The following CPA6 variants were observed in gnomAD, a reference collection of about 807,000 sequenced individuals.
The protein encoded by CPA6 is carboxypeptidase A6.
CPA6 carries 58 observed loss-of-function variants against 63.3 expected under a neutral mutation model. That is an observed-to-expected ratio of 0.92 (90% CI 0.74 to 1.14). The LOEUF is 1.14. CPA6 is among the 50% of genes most tolerant of loss of function. The probability of loss-of-function intolerance (pLI) is 0.00; values close to 1 mark genes in which losing one functional copy is unlikely to be tolerated. For missense variants in CPA6, 565 were observed against 526.6 expected (o/e 1.07, Z -0.71); for synonymous variants, 185 against 179.0 (o/e 1.03, Z -0.27).
At chr8:67,670,955 C>G (rs1816330098) in intron 1 of CPA6, among the ~76,000 whole-genome samples, 1 of 152,214 alleles carries the variant, frequency 6.6e-6, no homozygotes, top group Non-Finnish European at 1.5e-5. Flanking sequence ...AATAATTCAT[C>G]TGTAGACACA....
At chr8:67,744,660 C>T (rs1455862164) in intron 1 of CPA6, among the ~76,000 whole-genome samples, 1 of 152,102 alleles carries the variant, frequency 6.6e-6, no homozygotes, top group Admixed American at 6.5e-5. Context: ...GAATTAAGTC[C>T]CCCACAACCC....
intron 1 of CPA6, among the ~76,000 whole-genome samples, chr8:67,685,653 T>C (rs994994454): frequency 6.6e-6 from 1 of 152,100 alleles, no homozygotes; most frequent in East Asian, 1.9e-4. Flanking sequence ...AAACTAGAAT[T>C]GCTAACCACT....
At chr8:67,618,647 G>A (rs935559027) in intron 2 of CPA6, among the ~76,000 whole-genome samples, 2 of 152,082 alleles carry the variant, frequency 1.3e-5, no homozygotes, top group African/African-American at 4.8e-5. Flanking sequence ...CAAACTTTTG[G>A]ACAAATAGGA....
At position 67,710,112 on chromosome 8, in the gene CPA6, CA is replaced by C. The variant is rs35872602; in HGVS notation, c.116+35901del. On this transcript the variant is annotated intron_variant, in intron 1 of 10. Coordinates refer to ENST00000297770, the MANE Select transcript of CPA6 (RefSeq NM_020361.5). ...TGGGCAACAGAGCGAGACTTGGTTT[CA>C]AAAAAAAAAAAGATTTTCTGATTGG... Among the ~76,000 whole-genome samples, 163 of 138,740 alleles carry C rather than the reference CA, an allele frequency of 1.2e-3. 1 individual carries two copies. The highest frequency in any genetic ancestry group is 1.2e-3 in the Non-Finnish European group (79 of 63,336). The allele number at this position is 138,740 out of a possible 152,430, so 91.0% of individuals were successfully genotyped here.
intron 2 of CPA6, among the ~76,000 whole-genome samples, chr8:67,528,216 T>C (rs1812405185): frequency 1.3e-5 from 2 of 151,972 alleles, no homozygotes; most frequent in African/African-American, 4.8e-5. Context: ...TTTTGAGAGG[T>C]AGTTTGGGAC....
intron 6 of CPA6, among the ~76,000 whole-genome samples, chr8:67,489,481 GT>G (rs1444803496): frequency 2.0e-5 from 3 of 148,840 alleles, no homozygotes; most frequent in African/African-American, 7.6e-5. Context: ...ACGTATAAAT[GT>G]TTTTTTCTAA....
At chr8:67,703,757 A>G (rs1817074268) in intron 1 of CPA6, among the ~76,000 whole-genome samples, 1 of 152,188 alleles carries the variant, frequency 6.6e-6, no homozygotes, top group South Asian at 2.1e-4. Flanking sequence ...CATTGCTAGG[A>G]TAAACACTAA....
chr8:67,527,459 G>C (rs1587524421), intron 2 of CPA6, among the ~76,000 whole-genome samples: 1 of 152,198 alleles, frequency 6.6e-6, no homozygotes, highest in African/African-American at 2.4e-5. Context: ...GTTTCTTCCT[G>C]GTTCTATATA....
chr8:67,637,625 C>T (rs538640999), intron 1 of CPA6, among the ~76,000 whole-genome samples: 8 of 151,364 alleles, frequency 5.3e-5, no homozygotes, highest in Non-Finnish European at 8.8e-5. Flanking sequence ...AAAGGAGTTA[C>T]AAAGCATAGG....
At chr8:67,705,082 G>A (rs1467142697) in intron 1 of CPA6, among the ~76,000 whole-genome samples, 1 of 152,140 alleles carries the variant, frequency 6.6e-6, no homozygotes, top group Non-Finnish European at 1.5e-5. Flanking sequence ...CCTCCAGGTT[G>A]CCCCAGAATA....
intron 2 of CPA6, among the ~76,000 whole-genome samples, chr8:67,534,102 A>G (rs7002272): frequency 0.3 from 45,998 of 152,128 alleles, 7,172 homozygotes; most frequent in South Asian, 0.4. Context: ...AGATTCCCCA[A>G]TGTTCCCCTT....
intron 1 of CPA6, among the ~76,000 whole-genome samples, chr8:67,669,730 C>T (rs941015745): frequency 1.1e-4 from 16 of 151,574 alleles, no homozygotes; most frequent in African/African-American, 2.9e-4. Flanking sequence ...TCACCACAGA[C>T]GTTTGATGCT....
intron 2 of CPA6, among the ~76,000 whole-genome samples, chr8:67,581,046 A>G (rs1813758514): frequency 6.6e-6 from 1 of 152,188 alleles, no homozygotes; most frequent in South Asian, 2.1e-4. Context: ...TTAAGAGACC[A>G]AAAATTGGTA....
chr8:67,746,105 C>T lies in CPA6; in HGVS notation c.25G>A (p.Gly9Ser), dbSNP rs764323458. The T allele has an allele frequency of 2.5e-6, 4 of 1,613,522 alleles. No individual in the cohort carries two copies. The highest frequency in any genetic ancestry group is 1.3e-5 in the African/African-American group (1 of 74,972). Residue 9 changes from glycine to serine, a missense_variant, in exon 1 of 11, where the codon GGC becomes AGC. By Grantham distance (56) the Gly-to-Ser change is moderately conservative. Coordinates refer to ENST00000297770, the MANE Select transcript of CPA6 (RefSeq NM_020361.5). MKCLGKRR[G>S]QAAAFLPLCW... is the part of the protein sequence containing the mutation. Reference sequence around the variant, plus strand: ...AGAGGCAGGAAAGCAGCTGCCTGGCCCCTGCGCTTCCCGAGACACTTCATA... The same window carrying T: ...AGAGGCAGGAAAGCAGCTGCCTGGCTCCTGCGCTTCCCGAGACACTTCATA...
intron 8 of CPA6, among the ~76,000 whole-genome samples, chr8:67,472,572 T>C (rs1244926268): frequency 6.6e-6 from 1 of 151,954 alleles, no homozygotes. Context: ...ACTACAGGCA[T>C]ACGTCACCAT....
chr8:67,442,148 T>C (rs1384943780), intron 8 of CPA6, among the ~76,000 whole-genome samples: 3 of 152,106 alleles, frequency 2.0e-5, no homozygotes, highest in Non-Finnish European at 4.4e-5. Flanking sequence ...GGCTTATATT[T>C]TAAAATTACA....
At chr8:67,672,917 T>TA (rs200801560) in intron 1 of CPA6, among the ~76,000 whole-genome samples, 1 of 152,168 alleles carries the variant, frequency 6.6e-6, no homozygotes, top group East Asian at 1.9e-4. Flanking sequence ...ACTTTTTTTT[T>TA]AAATCAGTTT....
intron 2 of CPA6, among the ~76,000 whole-genome samples, chr8:67,616,016 G>C (rs1001351042): frequency 4.6e-5 from 7 of 152,164 alleles, no homozygotes; most frequent in Non-Finnish European, 1.0e-4. Context: ...GTTAGGCAGG[G>C]AGGTGCAATT....
At chr8:67,725,309 A>G (rs1817576860) in intron 1 of CPA6, among the ~76,000 whole-genome samples, 1 of 152,160 alleles carries the variant, frequency 6.6e-6, no homozygotes, top group Non-Finnish European at 1.5e-5. Flanking sequence ...TATTCCTAAT[A>G]TCTAAAACAA....
Sources: gnomAD v4.1 joint callset for allele counts (sites outside exome capture counted in the v4.1 genomes callset) on GRCh38, gnomAD v4.1.1 for gene constraint, MANE v1.5 for transcripts, NCBI Gene and HGNC (gene_info 2026-07-23, HGNC 2026-07-21) for gene names.